PPP2R2B: variants seen among roughly 807,000 people sequenced by gnomAD.
The protein encoded by PPP2R2B is serine/threonine-protein phosphatase 2A 55 kDa regulatory subunit B beta isoform.
In PPP2R2B, 5 loss-of-function variants were observed where a neutral mutation model predicts 46.0. The observed-to-expected ratio is 0.11, with a 90% confidence interval of 0.06 to 0.23. The LOEUF is 0.23. Ranked by LOEUF, PPP2R2B falls within the 10% of genes least tolerant of loss-of-function variation. The pLI is 1.00. For synonymous variants in PPP2R2B, 215 were observed against 206.7 expected, an observed-to-expected ratio of 1.04 and a Z score of -0.34; for missense variants, 367 against 575.0, an observed-to-expected ratio of 0.64 and a Z score of 3.70.
intron 1 of PPP2R2B, among the ~76,000 whole-genome samples, chr5:147,006,665 A>T (rs1321908696): frequency 6.6e-6 from 1 of 152,198 alleles, no homozygotes; most frequent in Non-Finnish European, 1.5e-5. Flanking sequence ...CAGTAAGGAT[A>T]GTAACTACAA....
chr5:146,954,514 G>C (rs1751783302), intron 1 of PPP2R2B, among the ~76,000 whole-genome samples: 1 of 152,108 alleles, frequency 6.6e-6, no homozygotes, highest in South Asian at 2.1e-4. Flanking sequence ...AGTGGGAAAG[G>C]GTGGGAAGGG....
chr5:146,736,034 C>A (rs963555737), intron 2 of PPP2R2B, among the ~76,000 whole-genome samples: 1 of 152,072 alleles, frequency 6.6e-6, no homozygotes, highest in Non-Finnish European at 1.5e-5. Context: ...TGGGAGGGAC[C>A]AGGTGGAGAT....
At chr5:146,820,171 T>C (rs984266910) in intron 2 of PPP2R2B, among the ~76,000 whole-genome samples, 1 of 152,166 alleles carries the variant, frequency 6.6e-6, no homozygotes, top group African/African-American at 2.4e-5. Context: ...TAAGATATTG[T>C]AATTTCAAAA....
intron 8 of PPP2R2B, among the ~76,000 whole-genome samples, chr5:146,595,542 C>T (rs933075002): frequency 9.2e-5 from 14 of 152,198 alleles, no homozygotes; most frequent in African/African-American, 3.4e-4. Flanking sequence ...GGGATAGATT[C>T]AAGGGAAAAC....
At chr5:146,842,846 G>A (rs1759747099) in intron 2 of PPP2R2B, among the ~76,000 whole-genome samples, 1 of 152,206 alleles carries the variant, frequency 6.6e-6, no homozygotes, top group African/African-American at 2.4e-5. Flanking sequence ...GTCTCAGTTA[G>A]TAAATTATAT....
intron 1 of PPP2R2B, among the ~76,000 whole-genome samples, chr5:146,949,689 T>C (rs1764592691): frequency 6.6e-6 from 1 of 152,030 alleles, no homozygotes; most frequent in Non-Finnish European, 1.5e-5. Context: ...AGGAAATCAG[T>C]ACATCAAAGA....
At chr5:146,871,327 T>A (rs958068726) in intron 2 of PPP2R2B, among the ~76,000 whole-genome samples, 1 of 152,202 alleles carries the variant, frequency 6.6e-6, no homozygotes, top group Non-Finnish European at 1.5e-5. Context: ...TGAGTTGTCA[T>A]GAGCTGGGAA....
intron 2 of PPP2R2B, among the ~76,000 whole-genome samples, chr5:146,736,070 C>T (rs1188537057): frequency 6.6e-6 from 1 of 152,078 alleles, no homozygotes; most frequent in Non-Finnish European, 1.5e-5. Flanking sequence ...GCAGTTTCCC[C>T]CATCCTGTTC....
chr5:146,866,606 AT>A (rs1163629060), intron 2 of PPP2R2B, among the ~76,000 whole-genome samples: 1 of 150,824 alleles, frequency 6.6e-6, no homozygotes, highest in Non-Finnish European at 1.5e-5. Flanking sequence ...AATTATATAT[AT>A]ATACACACAC....
chr5:146,756,050 G>A (rs1372325001), intron 2 of PPP2R2B, among the ~76,000 whole-genome samples: 2 of 152,206 alleles, frequency 1.3e-5, no homozygotes, highest in African/African-American at 2.4e-5. Flanking sequence ...GGAAATGCAG[G>A]AGAAGAATGG....
chr5:146,737,772 G>A (rs1168642959), intron 2 of PPP2R2B, among the ~76,000 whole-genome samples: 1 of 151,760 alleles, frequency 6.6e-6, no homozygotes, highest in African/African-American at 2.4e-5. Flanking sequence ...GAGTGTATTT[G>A]GTTTAACAAA....
At chr5:146,914,282 G>A (rs1324007387) in intron 1 of PPP2R2B, 3 of 152,128 alleles carry the variant, frequency 2.0e-5, no homozygotes, top group Admixed American at 2.0e-4. Context: ...AAGATGAAAT[G>A]CAAAATAGAG....
intron 1 of PPP2R2B, among the ~76,000 whole-genome samples, chr5:146,948,308 C>T (rs1417554803): frequency 6.6e-6 from 1 of 152,004 alleles, no homozygotes; most frequent in Non-Finnish European, 1.5e-5. Context: ...ATATTATCTA[C>T]TCTGTCTGTG....
At chr5:146,945,673 A>C (rs1764456916) in intron 1 of PPP2R2B, among the ~76,000 whole-genome samples, 1 of 152,198 alleles carries the variant, frequency 6.6e-6, no homozygotes, top group African/African-American at 2.4e-5. Context: ...TGTTTTCCTA[A>C]AGTTTAGAGG....
intron 5 of PPP2R2B, among the ~76,000 whole-genome samples, chr5:146,664,817 T>A (rs1776878124): frequency 6.6e-6 from 1 of 152,208 alleles, no homozygotes; most frequent in South Asian, 2.1e-4. Flanking sequence ...GACTCCTTAA[T>A]CTGTGGGCTG....
At position 147,032,490 on chromosome 5, in the gene PPP2R2B, T is replaced by C. The variant is rs147441076; in HGVS notation, c.79+23175A>G. ...AGTACACTCTGCACCATATTTATAGTATTTTAGCTCTCACCCCCCTCTCCC... is the reference window on the plus strand; with the variant it reads ...AGTACACTCTGCACCATATTTATAGCATTTTAGCTCTCACCCCCCTCTCCC... On this transcript the variant is annotated intron_variant, in intron 1 of 8. Transcript: ENST00000336640. Among the ~76,000 whole-genome samples, 39 of 152,244 alleles carry C rather than the reference T, an allele frequency of 2.6e-4. No homozygotes were observed. The East Asian group carries it at 6.8e-3, about 26-fold the overall frequency.
At chr5:146,928,682 C>G (rs1055926095) in intron 1 of PPP2R2B, among the ~76,000 whole-genome samples, 17 of 152,092 alleles carry the variant, frequency 1.1e-4, no homozygotes, top group African/African-American at 4.1e-4. Flanking sequence ...AACATGGCAC[C>G]CAGAGTGATC....
At chr5:146,702,484 T>C (rs1779599084) in intron 2 of PPP2R2B, among the ~76,000 whole-genome samples, 1 of 152,198 alleles carries the variant, frequency 6.6e-6, no homozygotes, top group Non-Finnish European at 1.5e-5. Flanking sequence ...GGCCACAAAG[T>C]AACATAGGTG....
chr5:146,686,998 G>A (rs1778544564), intron 5 of PPP2R2B, among the ~76,000 whole-genome samples: 1 of 151,320 alleles, frequency 6.6e-6, no homozygotes, highest in African/African-American at 2.4e-5. Context: ...TCAGAGATCT[G>A]GAAAGTCAAT....
Sources: gnomAD v4.1 joint callset for allele counts (sites outside exome capture counted in the v4.1 genomes callset) on GRCh38, gnomAD v4.1.1 for gene constraint, MANE v1.5 for transcripts, NCBI Gene and HGNC (gene_info 2026-07-23, HGNC 2026-07-21) for gene names.